Variants in ATP2C2 observed in about 807,000 individuals in gnomAD.
The protein encoded by ATP2C2 is calcium-transporting ATPase type 2C member 2.
Under a neutral mutation model 110.8 loss-of-function variants are expected in ATP2C2, and 171 were observed. That is an observed-to-expected ratio of 1.54 (90% CI 1.36 to 1.75). The LOEUF is 1.75. Ranked by LOEUF, ATP2C2 falls within the 40% of genes most tolerant of loss-of-function variation. The pLI is 0.00. For synonymous variants in ATP2C2, 804 were observed against 508.4 expected (o/e 1.58, Z -7.82); for missense variants, 1,963 against 1,235.0 (o/e 1.59, Z -8.84).
At chr16:84,415,706 C>T (rs1304823672) in intron 7 of ATP2C2, 115 bp downstream of exon 7, 2 of 755,064 alleles carry the variant, frequency 2.6e-6, no homozygotes, top group African/African-American at 3.5e-5. Context: ...CTCAAACATA[C>T]ATGCACATGC....
At chr16:84,383,022 CAG>C (rs1284754432) in intron 1 of ATP2C2, among the ~76,000 whole-genome samples, 2 of 151,984 alleles carry the variant, frequency 1.3e-5, no homozygotes, top group African/African-American at 4.8e-5. Flanking sequence ...CAGCTGGAGA[CAG>C]AAGTGTGCCT....
At position 84,460,674 on chromosome 16, in the gene ATP2C2, A is replaced by T. The variant is rs775408163; in HGVS notation, c.2354A>T (p.Asp785Val). Residue 785 changes from aspartate to valine, a missense_variant, in exon 24 of 27, where the codon GAC (aspartate) becomes GTC (valine). By Grantham distance (152) the Asp-to-Val change is radical. Coordinates refer to ENST00000262429, the MANE Select transcript of ATP2C2 (RefSeq NM_014861.4). ...AGCAGCTTGGGGGTAGAGCCCGTTG[A>T]CAAAGACGCCTTCAGGCAGCCACCA... The part of the protein sequence containing the change: ...PAQSLGVEPV[D>V]KDAFRQPPRS... 2 of 1,614,200 alleles carry T rather than the reference A, an allele frequency of 1.2e-6. No homozygotes were observed. The highest frequency in any genetic ancestry group is 1.7e-5 in the Admixed American group (1 of 60,024).
chr16:84,415,331 G>A, intron 6 of ATP2C2, 152 bp from the exon 7 acceptor site: 1 of 668,934 alleles, frequency 1.5e-6, no homozygotes, highest in Non-Finnish European at 2.6e-6. Flanking sequence ...TATAGGATAT[G>A]TTAATTTCAA....
chr16:84,368,625 G>C lies in ATP2C2; in HGVS notation c.10G>C (p.Gly4Arg), dbSNP rs1251112855. The C allele has an allele frequency of 3.2e-6, 5 of 1,559,890 alleles. No homozygotes were observed. The highest frequency in any genetic ancestry group is 4.3e-6 in the Non-Finnish European group (5 of 1,153,350). MVE[G>R]RVSEFLKKLG... ...CCTGCGCCCGCTCACCATGGTCGAGGGACGCGTCTCCGAGTTCCTGAAGAA... is the reference window on the plus strand; with the variant it reads ...CCTGCGCCCGCTCACCATGGTCGAGCGACGCGTCTCCGAGTTCCTGAAGAA... Residue 4 changes from glycine to arginine, a missense_variant, in exon 1 of 27, where the codon GGA becomes CGA. Physicochemically the swap from Gly to Arg is moderately radical, Grantham distance 125. Transcript: ENST00000262429.
intron 22 of ATP2C2, 27 bp from the exon 23 acceptor site, chr16:84,459,243 C>T (rs755409887): frequency 8.9e-5 from 144 of 1,613,936 alleles, no homozygotes; most frequent in South Asian, 2.6e-4. Flanking sequence ...GGCGGGCGGC[C>T]GCTGACTGGC....
intron 1 of ATP2C2, among the ~76,000 whole-genome samples, chr16:84,389,774 A>C (rs1451936655): frequency 7.0e-6 from 1 of 143,396 alleles, no homozygotes; most frequent in Non-Finnish European, 1.5e-5. Context: ...AGGCTGGAGT[A>C]CGGTGGCGCT....
chr16:84,370,132 G>A (rs1597720247), intron 1 of ATP2C2, among the ~76,000 whole-genome samples: 1 of 139,360 alleles, frequency 7.2e-6, no homozygotes, highest in South Asian at 2.1e-4. Flanking sequence ...GGATGTCCAG[G>A]AATGCAGGTG....
At chr16:84,403,117 T>A (rs1047137222) in intron 2 of ATP2C2, among the ~76,000 whole-genome samples, 3 of 152,218 alleles carry the variant, frequency 2.0e-5, no homozygotes, top group Admixed American at 6.5e-5. Context: ...TTCTGTGATA[T>A]AATTTGTGAA....
At chr16:84,426,226 G>GCA (rs1008820915) in intron 11 of ATP2C2, among the ~76,000 whole-genome samples, 2 of 152,094 alleles carry the variant, frequency 1.3e-5, no homozygotes, top group African/African-American at 4.8e-5. Flanking sequence ...CATGGCAAGA[G>GCA]CAGGGGCAGG....
At chr16:84,418,826 GCTTA>G (rs1567710235) in intron 7 of ATP2C2, among the ~76,000 whole-genome samples, 1 of 152,132 alleles carries the variant, frequency 6.6e-6, no homozygotes, top group African/African-American at 2.4e-5. Flanking sequence ...GCAGATGACC[GCTTA>G]CTTAGGGGCT....
chr16:84,372,464 C>G (rs530673072), intron 1 of ATP2C2, among the ~76,000 whole-genome samples: 2 of 152,100 alleles, frequency 1.3e-5, no homozygotes, highest in African/African-American at 4.8e-5. Flanking sequence ...GACAGTGTCT[C>G]GCCCTGTCAC....
At chr16:84,394,002 C>CAAAAAAAAAAAAAA (rs202138049) in intron 1 of ATP2C2, among the ~76,000 whole-genome samples, 1 of 117,456 alleles carries the variant, frequency 8.5e-6, no homozygotes. Flanking sequence ...TTAAAAATAC[C>CAAAAAAAAAAAAAA]AAAAAAAATA....
Position 84,461,988 on chromosome 16 carries a change from A to G in ATP2C2, c.2581A>G (p.Thr861Ala). 6.2e-7 allele frequency: 1 copy of G among 1,613,384 alleles called. No individual in the cohort carries two copies. Among genetic ancestry groups the G allele is most frequent in the Non-Finnish European group, 8.5e-7 (1 of 1,179,466 alleles). ...LFNALTCRSQTKLIFEIGFLR... is the reference protein window; with the variant it reads ...LFNALTCRSQAKLIFEIGFLR... The stretch of plus-strand genomic sequence containing the variant: ...CCCCCGTGTGACCTTCTCCCTGCAG[A>G]CCAAGCTGATATTTGAGATCGGCTT... Residue 861 changes from threonine (T) to alanine (A), a missense_variant and splice_region_variant, in exon 26 of 27, where the codon ACC becomes GCC. Physicochemically the swap from Thr to Ala is moderately conservative, Grantham distance 58. Coordinates refer to ENST00000262429, the MANE Select transcript of ATP2C2 (RefSeq NM_014861.4).
rs114679399 is a variant in ATP2C2, at chr16:84,388,368, C to A, written c.100-10131C>A. ...AACTAGTATCAACCTTTGAACACAT[C>A]AGTCAGAGTCCTCTACAGAACTTGC... On this transcript the variant is annotated intron_variant, in intron 1 of 26. Transcript: ENST00000262429. 2.7e-3 allele frequency among the ~76,000 whole-genome samples: 407 copies of A among 152,230 alleles called. 1 individual carries two copies. Among genetic ancestry groups the A allele is most frequent in the African/African-American group, 8.9e-3 (371 of 41,552 alleles).
At chr16:84,459,462 C>T (rs769648182) in intron 23 of ATP2C2, 76 bp downstream of exon 23, 7 of 1,603,176 alleles carry the variant, frequency 4.4e-6, no homozygotes, top group Non-Finnish European at 4.3e-6. Context: ...GCTGGCTGTG[C>T]CCCAAGGCTA....
chr16:84,434,698 G>C (rs1466457367), intron 11 of ATP2C2, among the ~76,000 whole-genome samples: 1 of 151,388 alleles, frequency 6.6e-6, no homozygotes, highest in African/African-American at 2.4e-5. Context: ...TTTGTATTTT[G>C]GTAGAGACGG....
chr16:84,451,154 G>A (rs1419734240), intron 17 of ATP2C2, among the ~76,000 whole-genome samples: 1 of 152,130 alleles, frequency 6.6e-6, no homozygotes, highest in East Asian at 1.9e-4. Flanking sequence ...CGTCTTACAT[G>A]GCAGCCGGCA....
At chr16:84,397,843 C>G (rs1378018980) in intron 1 of ATP2C2, among the ~76,000 whole-genome samples, 4 of 151,778 alleles carry the variant, frequency 2.6e-5, no homozygotes, top group Middle Eastern at 3.4e-3. Context: ...ATAAATCTCA[C>G]TAACAATGTT....
intron 11 of ATP2C2, among the ~76,000 whole-genome samples, chr16:84,428,682 T>A (rs568329407): frequency 5.9e-5 from 9 of 152,290 alleles, no homozygotes; most frequent in African/African-American, 2.2e-4. Flanking sequence ...TAAGTCATAA[T>A]AAGTTCATCT....
Sources: gnomAD v4.1 joint callset for allele counts (sites outside exome capture counted in the v4.1 genomes callset) on GRCh38, gnomAD v4.1.1 for gene constraint, MANE v1.5 for transcripts, NCBI Gene and HGNC (gene_info 2026-07-23, HGNC 2026-07-21) for gene names.